CWC22: variants seen among roughly 807,000 people sequenced by gnomAD.
The protein encoded by CWC22 is pre-mRNA-splicing factor CWC22 homolog.
In CWC22, 53 loss-of-function variants were observed where a neutral mutation model predicts 117.2. The observed-to-expected ratio is 0.45, with a 90% confidence interval of 0.36 to 0.57. The LOEUF (loss-of-function observed/expected upper bound fraction) is 0.57, where lower values mean the gene tolerates loss of function less well. Among genes scored for constraint, CWC22 ranks in the 20% least tolerant of loss-of-function variants. CWC22 has a pLI of 0.00. For missense variants in CWC22, 980 were observed against 1,068.8 expected (o/e 0.92, Z 1.16); for synonymous variants, 360 against 355.6 (o/e 1.01, Z -0.14).
At chr2:180,004,137 G>C (rs1456147993) in intron 1 of CWC22, among the ~76,000 whole-genome samples, 1 of 152,196 alleles carries the variant, frequency 6.6e-6, no homozygotes, top group African/African-American at 2.4e-5. Flanking sequence ...ATTACCAATA[G>C]CCACTTCTTT....
chr2:179,978,749 T>A (rs564072587), intron 5 of CWC22, among the ~76,000 whole-genome samples: 24 of 152,170 alleles, frequency 1.6e-4, no homozygotes, highest in African/African-American at 5.8e-4. Flanking sequence ...ACAAAAAAAA[T>A]TTGTATGTCC....
Position 179,981,861 on chromosome 2 carries a change from T to C in CWC22, c.343A>G (p.Thr115Ala), listed in dbSNP as rs1687295217. Residue 115 changes from threonine to alanine, a missense_variant, in exon 5 of 20, where the codon ACA becomes GCA. By Grantham distance (58) the Thr-to-Ala change is moderately conservative (BLOSUM62 0). This residue lies in a region of CWC22 where 559 missense variants were observed against 602.3 expected (regional missense o/e 0.93). Transcript: ENST00000410053. Reference sequence around the variant, plus strand: ...TCCAGCTCATCTTTCTTTTTCTTTGTAGCAGGTTCATCCTGAGCAGAGGAA... The same window carrying C: ...TCCAGCTCATCTTTCTTTTTCTTTGCAGCAGGTTCATCCTGAGCAGAGGAA... ...QSSSAQDEPATKKKKDELDPL... is the reference protein window; with the variant it reads ...QSSSAQDEPAAKKKKDELDPL... 3.1e-6 allele frequency: 5 copies of C among 1,613,408 alleles called. No individual in the cohort carries two copies. Among genetic ancestry groups the C allele is most frequent in the Non-Finnish European group, 4.2e-6 (5 of 1,179,676 alleles).
intron 19 of CWC22, among the ~76,000 whole-genome samples, chr2:179,947,184 G>A (rs1033979241): frequency 1.1e-4 from 16 of 152,092 alleles, no homozygotes; most frequent in Non-Finnish European, 2.1e-4. Context: ...AAATCTCACT[G>A]TACCAGCCTC....
intron 19 of CWC22, among the ~76,000 whole-genome samples, chr2:179,948,828 A>G (rs911578720): frequency 1.7e-4 from 26 of 152,220 alleles, no homozygotes; most frequent in African/African-American, 6.3e-4. Flanking sequence ...GAATCCTGAA[A>G]TAAGAAAAAC....
At chr2:180,004,201 T>G (rs143419108) in intron 1 of CWC22, among the ~76,000 whole-genome samples, 3 of 152,312 alleles carry the variant, frequency 2.0e-5, no homozygotes, top group Admixed American at 2.0e-4. Context: ...AGGGATATGA[T>G]GAGTAGTACA....
At chr2:179,987,774 G>C (rs1687458049) in intron 3 of CWC22, among the ~76,000 whole-genome samples, 1 of 152,078 alleles carries the variant, frequency 6.6e-6, no homozygotes, top group Admixed American at 6.6e-5. Flanking sequence ...GTCTTTCAAT[G>C]ATCATAAATG....
rs552475068 is a variant in CWC22 at position 180,004,635 on chromosome 2, T to G, written c.-114+2232A>C. Reference sequence around the variant, plus strand: ...GTCTATCTCAAGTGATCCGCCCGCCTTGGCCTCCCAAAGTGCTGGGAATGC... The same window carrying G: ...GTCTATCTCAAGTGATCCGCCCGCCGTGGCCTCCCAAAGTGCTGGGAATGC... On this transcript the variant is annotated intron_variant, in intron 1 of 19. Coordinates refer to ENST00000410053, the MANE Select transcript of CWC22 (RefSeq NM_020943.3). Among the ~76,000 whole-genome samples the G allele has an allele frequency of 7.8e-3, 1,187 of 152,268 alleles. 9 individuals are homozygous for G. Among genetic ancestry groups the G allele is most frequent in the Non-Finnish European group, 0.011 (724 of 68,024 alleles).
chr2:179,968,591 G>A (rs188511336), intron 11 of CWC22, among the ~76,000 whole-genome samples: 2,177 of 149,082 alleles, frequency 0.015, 29 homozygotes, highest in Non-Finnish European at 0.022. Context: ...TTTTTGAGAC[G>A]GAGTCTCGCT....
intron 12 of CWC22, among the ~76,000 whole-genome samples, 190 bp from the exon 13 acceptor site, chr2:179,964,818 A>C (rs909237857): frequency 1.3e-5 from 2 of 152,178 alleles, no homozygotes; most frequent in African/African-American, 4.8e-5. Flanking sequence ...GCTATATGAC[A>C]ATGTTAGCTC....
chr2:179,965,757 T>G, intron 12 of CWC22, 121 bp downstream of exon 12: 1 of 825,670 alleles, frequency 1.2e-6, no homozygotes, highest in South Asian at 2.2e-5. Flanking sequence ...CTTCACCTCC[T>G]AGACGCCATC....
intron 2 of CWC22, among the ~76,000 whole-genome samples, chr2:179,992,258 C>A (rs762692626): frequency 3.3e-5 from 5 of 152,324 alleles, no homozygotes; most frequent in Admixed American, 6.5e-5. Flanking sequence ...GTAGTTTGCT[C>A]TCCTGCCAAG....
chr2:179,948,080 T>C (rs1686355201), intron 19 of CWC22, among the ~76,000 whole-genome samples: 1 of 152,222 alleles, frequency 6.6e-6, no homozygotes, highest in Non-Finnish European at 1.5e-5. Flanking sequence ...GAGAAGACTG[T>C]GGCAAACCTG....
At chr2:179,971,114 CT>C in intron 8 of CWC22, 38 bp from the exon 9 acceptor site, 2 of 1,293,460 alleles carry the variant, frequency 1.5e-6, no homozygotes, top group South Asian at 3.2e-5. Context: ...AAACAAAATG[CT>C]TTTACATACA....
At chr2:179,980,507 T>C (rs1687260157) in intron 5 of CWC22, among the ~76,000 whole-genome samples, 1 of 149,486 alleles carries the variant, frequency 6.7e-6, no homozygotes, top group African/African-American at 2.5e-5. Context: ...AAGCTCCGCC[T>C]CCTGGGTTCA....
rs201761149 is a variant in CWC22, at chr2:179,950,699, T to C, written c.1953A>G (p.Pro651=). The change falls in exon 19 of 20, where the codon CCA becomes CCG. Residue 651 remains proline (P), a synonymous_variant. Coordinates refer to ENST00000410053, the MANE Select transcript of CWC22 (RefSeq NM_020943.3). ...CTGGTTTCTGCGCCACAATGACCTT[T>C]GGTGTATTTTTGAGATGCTCCCGCA... ...DELREHLKNT[P]KVIVAQKPDV... The C allele has an allele frequency of 2.5e-6, 4 of 1,613,664 alleles. No individual in the cohort carries two copies. The highest frequency in any genetic ancestry group is 2.2e-5 in the East Asian group (1 of 44,876).
intron 2 of CWC22, among the ~76,000 whole-genome samples, chr2:179,991,242 A>AG (rs1687559755): frequency 6.6e-6 from 1 of 151,780 alleles, no homozygotes; most frequent in African/African-American, 2.4e-5. Flanking sequence ...AGAAAGAGGG[A>AG]GGAGGTGCTG....
intron 5 of CWC22, among the ~76,000 whole-genome samples, chr2:179,978,702 A>C (rs1351372706): frequency 1.3e-5 from 2 of 152,158 alleles, no homozygotes; most frequent in Non-Finnish European, 2.9e-5. Context: ...CAATTAAAAA[A>C]ATTTAAATGG....
chr2:179,973,381 A>G (rs1303846854), intron 7 of CWC22, 135 bp from the exon 8 acceptor site: 1 of 679,042 alleles, frequency 1.5e-6, no homozygotes, highest in East Asian at 2.8e-5. Context: ...TAAGAAAGTT[A>G]CAAAATAAAA....
intron 5 of CWC22, among the ~76,000 whole-genome samples, chr2:179,981,169 G>A (rs1687275812): frequency 6.6e-6 from 1 of 152,192 alleles, no homozygotes; most frequent in South Asian, 2.1e-4. Context: ...CTACACCCAT[G>A]AGCCAAATGC....
Sources: gnomAD v4.1 joint callset for allele counts (sites outside exome capture counted in the v4.1 genomes callset) on GRCh38, gnomAD v4.1.1 for gene constraint, gnomAD v4.1.1 regional missense constraint, MANE v1.5 for transcripts, NCBI Gene and HGNC (gene_info 2026-07-23, HGNC 2026-07-21) for gene names.